The following NYAP2 variants were observed in gnomAD, a reference collection of about 807,000 sequenced individuals.
NYAP2 encodes neuronal tyrosine-phosphorylated phosphoinositide-3-kinase adaptor 2.
In NYAP2, 23 loss-of-function variants were observed where a neutral mutation model predicts 50.4. The observed-to-expected ratio is 0.46, with a 90% CI of 0.33 to 0.65. The LOEUF (loss-of-function observed/expected upper bound fraction) is 0.65, where lower values mean the gene tolerates loss of function less well. Among genes scored for constraint, NYAP2 ranks in the 30% least tolerant of loss-of-function variants. The pLI, the probability that NYAP2 is intolerant of heterozygous loss-of-function variation, is 0.02. For missense variants in NYAP2, 885 were observed against 861.0 expected (o/e 1.03, Z -0.35); for synonymous variants, 394 against 365.2 (o/e 1.08, Z -0.90).
chr2:225,621,827 T>C (rs1277632471), intron 5 of NYAP2, among the ~76,000 whole-genome samples: 3 of 152,090 alleles, frequency 2.0e-5, no homozygotes, highest in Non-Finnish European at 4.4e-5. Flanking sequence ...TTACTTATGA[T>C]AACATCCTTC....
chr2:225,399,625 T>A (rs1276079574), upstream of NYAP2: 2 of 151,964 alleles, frequency 1.3e-5, no homozygotes, highest in Non-Finnish European at 2.9e-5. Flanking sequence ...TCTCATGCCA[T>A]GGGAGCAGGT....
intron 3 of NYAP2, among the ~76,000 whole-genome samples, chr2:225,455,185 A>C (rs1474793627): frequency 3.9e-5 from 6 of 152,236 alleles, no homozygotes; most frequent in African/African-American, 1.4e-4. Context: ...TTAGCCAGTT[A>C]GACCCATTTC....
chr2:225,467,599 C>G (rs1175542550), intron 3 of NYAP2, among the ~76,000 whole-genome samples: 1 of 152,200 alleles, frequency 6.6e-6, no homozygotes, highest in African/African-American at 2.4e-5. Flanking sequence ...AATAGACTAT[C>G]AAAGTCTCAC....
At chr2:225,687,113 T>C in the NYAP2 span, among the ~76,000 whole-genome samples, 4 of 152,200 alleles carry the variant, frequency 2.6e-5, no homozygotes, top group African/African-American at 9.6e-5. Flanking sequence ...GTGATATATT[T>C]AGTCTTGAAT....
intron 4 of NYAP2, among the ~76,000 whole-genome samples, chr2:225,562,742 C>T (rs775774365): frequency 4.6e-5 from 7 of 152,150 alleles, no homozygotes; most frequent in Non-Finnish European, 7.4e-5. Flanking sequence ...CCAAACCTCG[C>T]TCCTGTTAAG....
intron 3 of NYAP2, among the ~76,000 whole-genome samples, chr2:225,448,724 A>G (rs1434005643): frequency 6.6e-6 from 1 of 152,182 alleles, no homozygotes; most frequent in Non-Finnish European, 1.5e-5. Flanking sequence ...TATCATTACT[A>G]TTTAGAAGCA....
chr2:225,458,046 C>G (rs1689767217), intron 3 of NYAP2, among the ~76,000 whole-genome samples: 1 of 151,934 alleles, frequency 6.6e-6, no homozygotes, highest in Non-Finnish European at 1.5e-5. Flanking sequence ...TAACTAATTT[C>G]CACCGATACT....
chr2:225,454,354 C>T (rs1214769027), intron 3 of NYAP2, among the ~76,000 whole-genome samples: 2 of 151,942 alleles, frequency 1.3e-5, no homozygotes, highest in Non-Finnish European at 2.9e-5. Context: ...AAAACAAAAA[C>T]AAAAAACTTT....
At chr2:225,409,379 A>C (rs1471240503) in intron 3 of NYAP2, among the ~76,000 whole-genome samples, 2 of 152,090 alleles carry the variant, frequency 1.3e-5, no homozygotes, top group East Asian at 3.9e-4. Context: ...GCTCATACTC[A>C]ATAACCTCTT....
At chr2:225,433,947 A>G (rs985674424) in intron 3 of NYAP2, among the ~76,000 whole-genome samples, 15 of 152,194 alleles carry the variant, frequency 9.9e-5, no homozygotes, top group African/African-American at 3.6e-4. Context: ...TGTGAATAAA[A>G]TGATTTGGAA....
chr2:225,653,196 T>C (rs1018563852), exon 7 of NYAP2: 1 of 152,224 alleles, frequency 6.6e-6, no homozygotes, highest in Non-Finnish European at 1.5e-5. Context: ...TTTAGCTAAT[T>C]GGCAGAGGAT....
intron 4 of NYAP2, among the ~76,000 whole-genome samples, chr2:225,528,857 G>T (rs1454180268): frequency 6.6e-6 from 1 of 152,194 alleles, no homozygotes; most frequent in African/African-American, 2.4e-5. Context: ...GAGACTCGAT[G>T]TTCCCAAGTT....
chr2:225,602,898 GTTC>G (rs1411283961), intron 5 of NYAP2, among the ~76,000 whole-genome samples: 1 of 151,810 alleles, frequency 6.6e-6, no homozygotes, highest in African/African-American at 2.4e-5. Context: ...CTCCAATTTT[GTTC>G]TTCTTTTTCA....
At chr2:225,476,877 T>C (rs1406560171) in intron 3 of NYAP2, among the ~76,000 whole-genome samples, 3 of 152,342 alleles carry the variant, frequency 2.0e-5, no homozygotes, top group Non-Finnish European at 4.4e-5. Flanking sequence ...GTTTTTAATA[T>C]AATTTATTTA....
chr2:225,677,794 G>C, the NYAP2 span, among the ~76,000 whole-genome samples: 1 of 151,974 alleles, frequency 6.6e-6, no homozygotes, highest in African/African-American at 2.4e-5. Context: ...AATTTTTTGA[G>C]GTGCTGCTGG....
In NYAP2 at chr2:225,427,737, A is replaced by AT. The variant is rs371514338; in HGVS notation, c.221+18640dup. On this transcript the variant is annotated intron_variant, in intron 3 of 6. Transcript: ENST00000636099. ...TGAGTTTAATGCATCTCCTCTAATC[A>AT]TTTTCTTTCCATGCATAAAATTAAA... Among the ~76,000 whole-genome samples, 175 of 152,180 alleles carry AT rather than the reference A, an allele frequency of 1.1e-3. 1 individual carries two copies. The highest frequency in any genetic ancestry group is 4.1e-3 in the African/African-American group (170 of 41,514).
rs931896653 is a variant in NYAP2 at position 225,632,782 on chromosome 2, T to A, written c.1828+5656T>A. 2.6e-5 allele frequency among the ~76,000 whole-genome samples: 4 copies of A among 152,150 alleles called. No homozygotes were observed. The East Asian group carries it at 5.8e-4, about 22-fold the overall frequency. On this transcript the variant is annotated intron_variant, in intron 6 of 6. Transcript: ENST00000636099. ...ATTAACAAATAGTTTCCACACAGCTTGTATCCAACTCTGTTATGGTTTCTG... is the reference window on the plus strand; with the variant it reads ...ATTAACAAATAGTTTCCACACAGCTAGTATCCAACTCTGTTATGGTTTCTG...
At chr2:225,434,432 A>T (rs779981065) in intron 3 of NYAP2, among the ~76,000 whole-genome samples, 2 of 152,368 alleles carry the variant, frequency 1.3e-5, no homozygotes, top group Non-Finnish European at 2.9e-5. Context: ...GAAGTTTGAC[A>T]CTTGTGCAAT....
chr2:225,468,487 G>C (rs915375992), intron 3 of NYAP2, among the ~76,000 whole-genome samples: 1 of 152,134 alleles, frequency 6.6e-6, no homozygotes, highest in African/African-American at 2.4e-5. Flanking sequence ...CAAGAAACAG[G>C]ACACAAACAA....
Sources: gnomAD v4.1 joint callset for allele counts (sites outside exome capture counted in the v4.1 genomes callset) on GRCh38, gnomAD v4.1.1 for gene constraint, MANE v1.5 for transcripts, NCBI Gene and HGNC (gene_info 2026-07-23, HGNC 2026-07-21) for gene names.